SMYD3: variants seen among roughly 807,000 people sequenced by gnomAD.
SMYD3 encodes histone-lysine N-methyltransferase SMYD3.
SMYD3 carries 36 observed loss-of-function variants against 57.7 expected under a neutral mutation model. The ratio of observed to expected loss-of-function variants is 0.62; its 90% confidence interval spans 0.48 to 0.82. SMYD3 has a LOEUF of 0.82. Ranked by LOEUF, SMYD3 falls within the 40% of genes least tolerant of loss-of-function variation. SMYD3 has a pLI of 0.00. For synonymous variants in SMYD3, 211 were observed against 195.0 expected, an observed-to-expected ratio of 1.08 and a Z score of -0.68; for missense variants, 515 against 538.8, an observed-to-expected ratio of 0.96 and a Z score of 0.44.
intron 5 of SMYD3, among the ~76,000 whole-genome samples, chr1:245,984,644 A>G (rs2058667339): frequency 6.6e-6 from 1 of 152,214 alleles, no homozygotes; most frequent in African/African-American, 2.4e-5. Context: ...AACAATTTCC[A>G]GGTGATGTTT....
intron 10 of SMYD3, among the ~76,000 whole-genome samples, chr1:245,855,569 A>T (rs1330949736): frequency 6.6e-6 from 1 of 152,226 alleles, no homozygotes; most frequent in Non-Finnish European, 1.5e-5. Context: ...ATGAGTTTCC[A>T]TATTAGTCAC....
intron 5 of SMYD3, among the ~76,000 whole-genome samples, chr1:245,991,560 G>A (rs923454467): frequency 2.6e-5 from 4 of 152,156 alleles, no homozygotes; most frequent in Non-Finnish European, 1.5e-5. Context: ...ACAAAGGCTG[G>A]GGCATCTAAG....
In SMYD3 at chr1:245,924,329, TA is replaced by T. The variant is rs546158329; in HGVS notation, c.702+3601del. Among the ~76,000 whole-genome samples, 112 of 146,614 alleles carry T rather than the reference TA, an allele frequency of 7.6e-4. 2 individuals are homozygous for T. The highest frequency in any genetic ancestry group is 2.5e-3 in the African/African-American group (101 of 40,058). ...GAGGAGACAAAAATCCAAAGTCAAA[TA>T]AAAAAAAAAGACCCAATAACTCAGC... On this transcript the variant is annotated intron_variant, in intron 7 of 11. Coordinates refer to ENST00000490107, the MANE Select transcript of SMYD3 (RefSeq NM_001167740.2).
At chr1:246,500,976 C>A (rs943356674) in intron 1 of SMYD3, among the ~76,000 whole-genome samples, 1 of 152,162 alleles carries the variant, frequency 6.6e-6, no homozygotes, top group Non-Finnish European at 1.5e-5. Context: ...TTTCCCAAAC[C>A]ACATTATTAT....
chr1:245,854,644 G>C (rs1278533363), intron 10 of SMYD3, among the ~76,000 whole-genome samples: 2 of 151,872 alleles, frequency 1.3e-5, no homozygotes. Flanking sequence ...CTTTGGCTTG[G>C]CTTCCCTTCC....
intron 5 of SMYD3, among the ~76,000 whole-genome samples, chr1:246,016,469 G>C (rs1198721445): frequency 6.6e-6 from 1 of 152,034 alleles, no homozygotes; most frequent in Non-Finnish European, 1.5e-5. Flanking sequence ...TGTAATCCCA[G>C]CTACTCGGGA....
At chr1:245,949,314 C>A (rs2057534816) in intron 5 of SMYD3, among the ~76,000 whole-genome samples, 2 of 152,196 alleles carry the variant, frequency 1.3e-5, no homozygotes, top group African/African-American at 4.8e-5. Context: ...TAGCCCACCA[C>A]CGCCACCGTG....
intron 9 of SMYD3, among the ~76,000 whole-genome samples, chr1:245,858,876 AAACT>A (rs1353687790): frequency 6.6e-6 from 1 of 152,210 alleles, no homozygotes; most frequent in Non-Finnish European, 1.5e-5. Context: ...TTACATCAAC[AAACT>A]ATCTCGTAAC....
At chr1:245,999,922 C>G (rs534858465) in intron 5 of SMYD3, among the ~76,000 whole-genome samples, 4 of 152,146 alleles carry the variant, frequency 2.6e-5, no homozygotes, top group Non-Finnish European at 5.9e-5. Flanking sequence ...TGAGTACCTG[C>G]TAGGCACCAG....
chr1:246,481,607 T>TATATATATATATAC lies in SMYD3; in HGVS notation c.164+25446_164+25447insGTATATATATATAT, dbSNP rs1156393004. Among the ~76,000 whole-genome samples the TATATATATATATAC allele has an allele frequency of 1.9e-3, 115 of 61,962 alleles. 17 individuals carry two copies. The highest frequency in any genetic ancestry group is 0.013 in the South Asian group (25 of 1,856). 40.6% of individuals were successfully genotyped at this position (61,962 alleles called of 152,430 possible). The stretch of plus-strand genomic sequence containing the variant: ...TTCTCAGGCTCCATATATATATATA[T>TATATATATATATAC]ACACATACATATATACATACATACA... On this transcript the variant is annotated intron_variant, in intron 1 of 11. Coordinates refer to ENST00000490107, the MANE Select transcript of SMYD3 (RefSeq NM_001167740.2).
intron 5 of SMYD3, among the ~76,000 whole-genome samples, chr1:246,292,833 C>T (rs938338333): frequency 2.0e-5 from 3 of 152,132 alleles, no homozygotes; most frequent in South Asian, 4.2e-4. Flanking sequence ...GAAGCTTAGG[C>T]AGGGAGCATG....
intron 1 of SMYD3, among the ~76,000 whole-genome samples, chr1:246,501,165 C>T (rs1200346605): frequency 6.6e-6 from 1 of 152,204 alleles, no homozygotes; most frequent in Non-Finnish European, 1.5e-5. Flanking sequence ...ACGCCTGGTG[C>T]TAACCATATT....
chr1:246,018,083 A>G (rs1224624745), intron 5 of SMYD3, among the ~76,000 whole-genome samples: 1 of 152,144 alleles, frequency 6.6e-6, no homozygotes, highest in African/African-American at 2.4e-5. Context: ...GTCCCAGACT[A>G]GGTGTGCACT....
In SMYD3 at chr1:246,042,857, G is replaced by A. The variant is rs536277009; in HGVS notation, c.532-112920C>T. ...ACAAAGCTTTGACCACACATTCTCTGCTATGTTTTTTACTGGAGATTAATT... is the reference window on the plus strand; with the variant it reads ...ACAAAGCTTTGACCACACATTCTCTACTATGTTTTTTACTGGAGATTAATT... On this transcript the variant is annotated intron_variant, in intron 5 of 11. Transcript: ENST00000490107. Among the ~76,000 whole-genome samples, 8 of 152,148 alleles carry A rather than the reference G, an allele frequency of 5.3e-5. No homozygotes were observed. In the South Asian group the frequency reaches 1.0e-3, roughly 20 times the overall value.
chr1:246,083,286 G>A (rs1183590022), intron 5 of SMYD3, among the ~76,000 whole-genome samples: 1 of 152,206 alleles, frequency 6.6e-6, no homozygotes, highest in Admixed American at 6.5e-5. Context: ...GGTGGGACAT[G>A]CGGGCAGCAA....
chr1:246,050,725 T>C (rs1348633259), intron 5 of SMYD3, among the ~76,000 whole-genome samples: 1 of 152,134 alleles, frequency 6.6e-6, no homozygotes, highest in East Asian at 1.9e-4. Flanking sequence ...GTGTGTTTGT[T>C]TGATTATGCA....
intron 1 of SMYD3, among the ~76,000 whole-genome samples, chr1:246,481,625 T>TACACACAC (rs1553354812): frequency 3.3e-5 from 3 of 90,434 alleles, no homozygotes; most frequent in East Asian, 6.6e-4. Flanking sequence ...CATATATACA[T>TACACACAC]ACATACATAC....
At chr1:246,307,458 C>T (rs931304796) in intron 5 of SMYD3, among the ~76,000 whole-genome samples, 1 of 131,192 alleles carries the variant, frequency 7.6e-6, no homozygotes, top group African/African-American at 2.8e-5. Context: ...CTCGCTCTGT[C>T]GCCCAGGCTG....
chr1:246,284,477 C>T (rs1226554055), intron 5 of SMYD3, among the ~76,000 whole-genome samples: 1 of 150,650 alleles, frequency 6.6e-6, no homozygotes, highest in Non-Finnish European at 1.5e-5. Context: ...ACTGCAGTGG[C>T]TTGATCTCGG....
Sources: allele counts gnomAD v4.1 joint callset (sites outside exome capture counted in the v4.1 genomes callset), GRCh38; gene constraint gnomAD v4.1.1; transcripts MANE v1.5; gene names NCBI Gene and HGNC (gene_info 2026-07-23, HGNC 2026-07-21).